GFRA2: variants seen among roughly 807,000 people sequenced by gnomAD.
GFRA2 encodes the protein GDNF family receptor alpha 2.
In GFRA2, 17 loss-of-function variants were observed where a neutral mutation model predicts 48.3. That is an observed-to-expected ratio of 0.35 (90% CI 0.24 to 0.53). The LOEUF (loss-of-function observed/expected upper bound fraction) is 0.53, where lower values mean the gene tolerates loss of function less well. Ranked by LOEUF, GFRA2 falls within the 20% of genes least tolerant of loss-of-function variation. The pLI is 0.93. For synonymous variants in GFRA2, 305 were observed against 257.2 expected (o/e 1.19, Z -1.78); for missense variants, 660 against 637.3 (o/e 1.04, Z -0.38).
At position 21,706,060 on chromosome 8, in the gene GFRA2, C is replaced by T. The variant is rs545406729; in HGVS notation, c.795-19G>A. 288 of 1,501,120 alleles carry T rather than the reference C, an allele frequency of 1.9e-4. 1 individual carries two copies. The highest frequency in any genetic ancestry group is 1.9e-3 in the Middle Eastern group (11 of 5,896). 93.0% of individuals were successfully genotyped at this position (1,501,120 alleles called of 1,614,324 possible). ...CCGGGACCTGGTGGTGGGTAGAAGA[C>T]GCAATAGAGAAAACAGGGGTTCAGT... On this transcript the variant is annotated intron_variant, in intron 4 of 8. Coordinates refer to ENST00000524240, the MANE Select transcript of GFRA2 (RefSeq NM_001495.5).
chr8:21,694,077 T>TTATA lies in GFRA2; in HGVS notation c.1272+383_1272+386dup, dbSNP rs1161900689. Among the ~76,000 whole-genome samples the TTATA allele has an allele frequency of 1.6e-3, 178 of 109,296 alleles. 15 individuals carry two copies. Among genetic ancestry groups the TTATA allele is most frequent in the African/African-American group, 5.3e-3 (168 of 31,476 alleles). The allele number at this position is 109,296 out of a possible 152,430, so 71.7% of individuals were successfully genotyped here. A position where few individuals can be genotyped will look rare whatever the true frequency, so the allele number is the denominator to read the frequency against. ...TATTTATATATATATTTATTTATTT[T>TTATA]TATATATATATATATTTCCTATAGT... On this transcript the variant is annotated intron_variant, in intron 8 of 8. Coordinates refer to ENST00000524240, the MANE Select transcript of GFRA2 (RefSeq NM_001495.5).
At chr8:21,716,049 G>A (rs1056372736) in intron 4 of GFRA2, among the ~76,000 whole-genome samples, 6 of 152,090 alleles carry the variant, frequency 3.9e-5, no homozygotes, top group Non-Finnish European at 5.9e-5. Context: ...TCGGCCAGGC[G>A]CGGTGGCTCA....
chr8:21,714,445 T>C (rs1291940765), intron 4 of GFRA2, among the ~76,000 whole-genome samples: 1 of 151,488 alleles, frequency 6.6e-6, no homozygotes, highest in Non-Finnish European at 1.5e-5. Context: ...AGAGATAGGG[T>C]TTCGCCATGT....
intron 1 of GFRA2, among the ~76,000 whole-genome samples, chr8:21,811,161 C>A (rs938400118): frequency 2.6e-5 from 4 of 152,170 alleles, no homozygotes; most frequent in Non-Finnish European, 4.4e-5. Context: ...TCCTCAGAGG[C>A]CTTTAGGGCC....
intron 2 of GFRA2, among the ~76,000 whole-genome samples, chr8:21,804,514 G>C (rs182090656): frequency 2.4e-4 from 36 of 151,926 alleles, no homozygotes; most frequent in Admixed American, 2.2e-3. Flanking sequence ...CAACTCCTGG[G>C]TGGGGAACAA....
At chr8:21,728,507 T>G (rs1189795513) in intron 4 of GFRA2, among the ~76,000 whole-genome samples, 1 of 152,028 alleles carries the variant, frequency 6.6e-6, no homozygotes, top group African/African-American at 2.4e-5. Context: ...ACTCCTGACC[T>G]CAGGTAATCC....
chr8:21,791,003 A>G (rs1807563215), upstream of GFRA2, among the ~76,000 whole-genome samples: 1 of 151,816 alleles, frequency 6.6e-6, no homozygotes, highest in South Asian at 2.1e-4. Flanking sequence ...TGGTTGTCCA[A>G]ATACTCCCCA....
intron 1 of GFRA2, among the ~76,000 whole-genome samples, chr8:21,805,965 G>A (rs766240700): frequency 1.3e-5 from 2 of 152,218 alleles, no homozygotes; most frequent in African/African-American, 2.4e-5. Context: ...AGTTCCCTCA[G>A]GGAGAAGCCT....
At chr8:21,748,640 T>C (rs938416207) in intron 4 of GFRA2, among the ~76,000 whole-genome samples, 1 of 152,182 alleles carries the variant, frequency 6.6e-6, no homozygotes, top group East Asian at 1.9e-4. Context: ...CTTCAGCAAG[T>C]TACTTTCTCT....
In GFRA2 at chr8:21,711,682, G is replaced by GTTTTTCTTTTTTTT. The variant is rs1367967743; in HGVS notation, c.795-5655_795-5642dup. On this transcript the variant is annotated intron_variant, in intron 4 of 8. Coordinates refer to ENST00000524240, the MANE Select transcript of GFRA2 (RefSeq NM_001495.5). ...ATCTGGGAAATACTTACGCTAAACAGTTTTTCTTTTTTTTTTTTTTTGATC... is the reference window on the plus strand; with the variant it reads ...ATCTGGGAAATACTTACGCTAAACAGTTTTTCTTTTTTTTTTTTTCTTTTTTTTTTTTTTTGATC... 2.7e-3 allele frequency among the ~76,000 whole-genome samples: 383 copies of GTTTTTCTTTTTTTT among 142,606 alleles called. 2 individuals carry two copies. The highest frequency in any genetic ancestry group is 9.7e-3 in the African/African-American group (342 of 35,422). 93.6% of individuals were successfully genotyped at this position (142,606 alleles called of 152,430 possible).
At chr8:21,728,881 C>T (rs906433586) in intron 4 of GFRA2, among the ~76,000 whole-genome samples, 7 of 152,350 alleles carry the variant, frequency 4.6e-5, no homozygotes, top group African/African-American at 9.6e-5. Flanking sequence ...CACACAAGAG[C>T]TCACTCAGGG....
In GFRA2 at chr8:21,780,085, C is replaced by T. The variant is rs1259089353; in HGVS notation, c.355+2500G>A. The stretch of plus-strand genomic sequence containing the variant: ...TTTTTTTTTTTAAGCATCCTTTGTT[C>T]TCTCCTCTTTACACCAAAATTCTGG... On this transcript the variant is annotated intron_variant, in intron 2 of 8. Transcript: ENST00000524240. Among the ~76,000 whole-genome samples, 95 of 149,596 alleles carry T rather than the reference C, an allele frequency of 6.4e-4. 1 individual carries two copies. Among genetic ancestry groups the T allele is most frequent in the Non-Finnish European group, 2.5e-4 (17 of 67,454 alleles).
At chr8:21,728,007 G>A (rs917976766) in intron 4 of GFRA2, among the ~76,000 whole-genome samples, 13 of 152,102 alleles carry the variant, frequency 8.5e-5, no homozygotes, top group African/African-American at 1.7e-4. Flanking sequence ...CAGGGGCGAC[G>A]TCAGAAAATA....
At chr8:21,694,380 C>G (rs903869832) in intron 8 of GFRA2, 84 bp downstream of exon 8, 1 of 1,305,174 alleles carries the variant, frequency 7.7e-7, no homozygotes, top group East Asian at 2.5e-5. Flanking sequence ...GATTTGAGGG[C>G]GCTGGATCTG....
intron 3 of GFRA2, among the ~76,000 whole-genome samples, chr8:21,751,399 T>A (rs1805288730): frequency 6.6e-6 from 1 of 152,186 alleles, no homozygotes; most frequent in Non-Finnish European, 1.5e-5. Flanking sequence ...GCAGCCTGGG[T>A]GCAGACAGCA....
intron 3 of GFRA2, among the ~76,000 whole-genome samples, chr8:21,762,149 G>A (rs907380554): frequency 2.3e-4 from 35 of 152,000 alleles, no homozygotes; most frequent in African/African-American, 7.7e-4. Flanking sequence ...GATCTTCAGG[G>A]CTTCCTCTGC....
chr8:21,760,901 G>A (rs925119084), intron 3 of GFRA2, among the ~76,000 whole-genome samples: 1 of 152,152 alleles, frequency 6.6e-6, no homozygotes, highest in South Asian at 2.1e-4. Context: ...TTTCGAAAAG[G>A]AGGATGGTCA....
chr8:21,694,175 G>C (rs554357786), intron 8 of GFRA2, among the ~76,000 whole-genome samples: 1 of 149,710 alleles, frequency 6.7e-6, no homozygotes, highest in Admixed American at 6.7e-5. Flanking sequence ...CAACAGTGCC[G>C]AGCAGGTGGT....
intron 3 of GFRA2, among the ~76,000 whole-genome samples, 167 bp from the exon 4 acceptor site, chr8:21,751,109 C>T (rs1252136773): frequency 6.6e-6 from 1 of 152,116 alleles, no homozygotes; most frequent in Non-Finnish European, 1.5e-5. Flanking sequence ...GGACCTACCT[C>T]CTAAAGCTGT....
Sources: gnomAD v4.1 joint callset for allele counts (sites outside exome capture counted in the v4.1 genomes callset) on GRCh38, gnomAD v4.1.1 for gene constraint, MANE v1.5 for transcripts, NCBI Gene and HGNC (gene_info 2026-07-23, HGNC 2026-07-21) for gene names.